GPC6: variants seen among roughly 807,000 people sequenced by gnomAD.
The protein encoded by GPC6 is glypican-6.
A neutral mutation model predicts 55.2 loss-of-function variants in GPC6; 14 were observed. That is an observed-to-expected ratio of 0.25 (90% CI 0.17 to 0.40). The LOEUF (loss-of-function observed/expected upper bound fraction) is 0.40. Among genes scored for constraint, GPC6 ranks in the 10% least tolerant of loss-of-function variants. The pLI, the probability that GPC6 is intolerant of heterozygous loss-of-function variation, is 1.00. For synonymous variants in GPC6, 278 were observed against 259.6 expected, an observed-to-expected ratio of 1.07 and a Z score of -0.68; for missense variants, 641 against 708.5, an observed-to-expected ratio of 0.90 and a Z score of 1.08.
chr13:93,892,353 G>A (rs1382611703), intron 3 of GPC6, among the ~76,000 whole-genome samples: 2 of 152,094 alleles, frequency 1.3e-5, no homozygotes, highest in African/African-American at 4.8e-5. Context: ...AAATCAGACT[G>A]CTATGTTCTT....
chr13:93,738,965 ACACACACT>A (rs1884102113), intron 2 of GPC6, among the ~76,000 whole-genome samples: 1 of 146,254 alleles, frequency 6.8e-6, no homozygotes, highest in Admixed American at 6.8e-5. Flanking sequence ...ACACACACAC[ACACACACT>A]CACACACATG....
At chr13:93,922,663 A>G (rs1394755052) in intron 3 of GPC6, among the ~76,000 whole-genome samples, 1 of 152,210 alleles carries the variant, frequency 6.6e-6, no homozygotes, top group Non-Finnish European at 1.5e-5. Flanking sequence ...CAAAATCTAA[A>G]TTTACATAAA....
intron 2 of GPC6, among the ~76,000 whole-genome samples, chr13:93,758,241 C>G (rs551306607): frequency 6.6e-6 from 1 of 152,176 alleles, no homozygotes; most frequent in South Asian, 2.1e-4. Flanking sequence ...CAAAAAGAGG[C>G]AACAGGGCAG....
intron 2 of GPC6, among the ~76,000 whole-genome samples, chr13:93,828,602 T>C (rs1019064485): frequency 1.3e-4 from 20 of 152,120 alleles, no homozygotes; most frequent in African/African-American, 4.8e-4. Flanking sequence ...AATATTCAAC[T>C]TTATTTTACA....
intron 3 of GPC6, among the ~76,000 whole-genome samples, chr13:93,859,315 A>C (rs563045685): frequency 6.6e-6 from 1 of 151,616 alleles, no homozygotes; most frequent in Non-Finnish European, 1.5e-5. Context: ...TTTCATTTTC[A>C]TGTATTTTAC....
In GPC6 at chr13:94,115,348, G is replaced by T. The variant is rs181190286; in HGVS notation, c.877+87454G>T. ...TTTATGTCAGAGGCAAGGGGTTGGT[G>T]GGGGGGTGTCAAAGCTTTAGTATTA... On this transcript the variant is annotated intron_variant, in intron 4 of 8. Coordinates refer to ENST00000377047, the MANE Select transcript of GPC6 (RefSeq NM_005708.5). Among the ~76,000 whole-genome samples the T allele has an allele frequency of 1.8e-3, 273 of 152,032 alleles. 4 individuals carry two copies. The highest frequency in any genetic ancestry group is 0.015 in the Admixed American group (230 of 15,234).
intron 6 of GPC6, among the ~76,000 whole-genome samples, chr13:94,344,344 G>T (rs1878182299): frequency 6.6e-6 from 1 of 152,166 alleles, no homozygotes. Context: ...AATTAACAAT[G>T]AATTAGGAAG....
At position 94,406,590 on chromosome 13, in the gene GPC6, A is replaced by C. The variant is rs1474662858; in HGVS notation, c.*3373A>C. The C allele has an allele frequency of 6.6e-6, 1 of 152,192 alleles. No homozygotes were observed. Among genetic ancestry groups the C allele is most frequent in the East Asian group, 1.9e-4 (1 of 5,198 alleles). 9.4% of individuals were successfully genotyped at this position (152,192 alleles called of 1,614,324 possible). A position where few individuals can be genotyped will look rare whatever the true frequency, so the allele number is the denominator to read the frequency against. On this transcript the variant is annotated 3_prime_UTR_variant, in exon 9 of 9. Coordinates refer to ENST00000377047, the MANE Select transcript of GPC6 (RefSeq NM_005708.5). ...ATTGATAAGTAGTAATAATTATAAA[A>C]GTAACATTCTTTAAAGCAAACACAT...
At chr13:93,268,132 G>T (rs1877386933) in intron 1 of GPC6, among the ~76,000 whole-genome samples, 1 of 152,094 alleles carries the variant, frequency 6.6e-6, no homozygotes, top group African/African-American at 2.4e-5. Context: ...TTTAAAGTGG[G>T]TTATATGCAT....
chr13:93,486,669 G>A (rs919157050), intron 1 of GPC6, among the ~76,000 whole-genome samples: 5 of 151,994 alleles, frequency 3.3e-5, no homozygotes, highest in Non-Finnish European at 5.9e-5. Flanking sequence ...CATCTTGGCC[G>A]GGCACGGTGG....
intron 2 of GPC6, among the ~76,000 whole-genome samples, chr13:93,589,170 G>A (rs1379398952): frequency 1.4e-5 from 2 of 144,420 alleles, no homozygotes; most frequent in Admixed American, 1.3e-4. Flanking sequence ...TTCCCTAATA[G>A]TTAACATTTT....
chr13:94,215,190 A>T (rs1444368817), intron 4 of GPC6, among the ~76,000 whole-genome samples: 8 of 152,306 alleles, frequency 5.3e-5, no homozygotes, highest in Admixed American at 5.2e-4. Flanking sequence ...AGTGCAGTGA[A>T]TTGGAGTGGT....
At chr13:94,140,982 G>A (rs895081823) in intron 4 of GPC6, among the ~76,000 whole-genome samples, 4 of 151,700 alleles carry the variant, frequency 2.6e-5, no homozygotes, top group African/African-American at 9.7e-5. Context: ...GGAAAAATAA[G>A]CAAACAAAAC....
intron 4 of GPC6, among the ~76,000 whole-genome samples, chr13:94,093,728 T>C (rs1885572437): frequency 6.6e-6 from 1 of 152,112 alleles, no homozygotes; most frequent in Non-Finnish European, 1.5e-5. Flanking sequence ...TAATTATAAG[T>C]GATTCTAAAG....
intron 1 of GPC6, among the ~76,000 whole-genome samples, chr13:93,465,703 A>G (rs763451377): frequency 3.3e-5 from 5 of 152,178 alleles, no homozygotes; most frequent in Non-Finnish European, 5.9e-5. Context: ...TCGTGTGTGC[A>G]TTGGAGTAAC....
intron 3 of GPC6, among the ~76,000 whole-genome samples, chr13:93,870,408 A>T (rs1212645936): frequency 4.6e-5 from 7 of 152,032 alleles, no homozygotes; most frequent in Non-Finnish European, 1.5e-5. Flanking sequence ...CACTGCTGAC[A>T]TCAGTATATT....
intron 4 of GPC6, among the ~76,000 whole-genome samples, chr13:94,118,236 C>T (rs1431381841): frequency 1.3e-5 from 2 of 151,974 alleles, no homozygotes; most frequent in African/African-American, 2.4e-5. Flanking sequence ...CTGCTGTTCT[C>T]GTGATAGTGA....
At chr13:94,204,537 A>G (rs767998119) in intron 4 of GPC6, among the ~76,000 whole-genome samples, 5 of 152,264 alleles carry the variant, frequency 3.3e-5, no homozygotes, top group Admixed American at 6.5e-5. Context: ...TTCTTCAATC[A>G]CTATTCTAAT....
At chr13:94,048,945 A>G (rs905490672) in intron 4 of GPC6, among the ~76,000 whole-genome samples, 3 of 151,952 alleles carry the variant, frequency 2.0e-5, no homozygotes, top group Non-Finnish European at 4.4e-5. Flanking sequence ...CATTGTATCT[A>G]TGAAGAAGGC....
Sources: allele counts gnomAD v4.1 joint callset (sites outside exome capture counted in the v4.1 genomes callset), GRCh38; gene constraint gnomAD v4.1.1; transcripts MANE v1.5; gene names NCBI Gene and HGNC (gene_info 2026-07-23, HGNC 2026-07-21).